PDGFD: variants seen among roughly 807,000 people sequenced by gnomAD.
The protein encoded by PDGFD is platelet derived growth factor D.
Under a neutral mutation model 44.7 loss-of-function variants are expected in PDGFD, and 30 were observed. That is an observed-to-expected ratio of 0.67 (90% confidence interval 0.50 to 0.91). PDGFD has a LOEUF of 0.91. Ranked by LOEUF, PDGFD falls within the 40% of genes least tolerant of loss-of-function variation. PDGFD has a pLI of 0.00. For synonymous variants in PDGFD, 173 were observed against 168.4 expected, an observed-to-expected ratio of 1.03 and a Z score of -0.21; for missense variants, 445 against 457.8, an observed-to-expected ratio of 0.97 and a Z score of 0.25.
intron 1 of PDGFD, chr11:104,036,669 A>T (rs886980970): frequency 1.5e-6 from 1 of 649,204 alleles, no homozygotes; most frequent in Non-Finnish European, 2.7e-6. Flanking sequence ...CCCCAGACAG[A>T]TGAGTGTCCG....
At chr11:104,005,103 G>A (rs751910311) in intron 1 of PDGFD, among the ~76,000 whole-genome samples, 8 of 151,842 alleles carry the variant, frequency 5.3e-5, no homozygotes, top group Non-Finnish European at 8.8e-5. Flanking sequence ...GGTCTTGAAC[G>A]CCTGACCTCA....
intron 3 of PDGFD, among the ~76,000 whole-genome samples, chr11:103,972,922 C>T (rs1859123942): frequency 6.6e-6 from 1 of 152,066 alleles, no homozygotes; most frequent in African/African-American, 2.4e-5. Flanking sequence ...TCAGAAAGTC[C>T]AGTAAAACAG....
At chr11:104,069,583 G>A (rs751749815) in intron 1 of PDGFD, among the ~76,000 whole-genome samples, 3 of 152,140 alleles carry the variant, frequency 2.0e-5, no homozygotes, top group Non-Finnish European at 2.9e-5. Flanking sequence ...GATGCTGGCC[G>A]GGCACAGTGG....
chr11:104,114,773 T>C (rs1266899151), intron 1 of PDGFD, among the ~76,000 whole-genome samples: 1 of 152,054 alleles, frequency 6.6e-6, no homozygotes, highest in Non-Finnish European at 1.5e-5. Context: ...ATTTCTTTCA[T>C]CAGAGTTTTG....
At chr11:104,140,991 G>A (rs960395939) in intron 1 of PDGFD, among the ~76,000 whole-genome samples, 1 of 152,118 alleles carries the variant, frequency 6.6e-6, no homozygotes, top group African/African-American at 2.4e-5. Flanking sequence ...TAATGTTGCT[G>A]CCCAGCAGCA....
intron 1 of PDGFD, among the ~76,000 whole-genome samples, chr11:104,019,698 T>C (rs1261927410): frequency 6.6e-6 from 1 of 152,294 alleles, no homozygotes; most frequent in East Asian, 1.9e-4. Context: ...AGATATGATC[T>C]GGGGGAAAGA....
intron 3 of PDGFD, among the ~76,000 whole-genome samples, chr11:103,981,223 A>C (rs1001995801): frequency 6.6e-6 from 1 of 151,502 alleles, no homozygotes; most frequent in African/African-American, 2.4e-5. Context: ...CTTTCTTGCA[A>C]ACTCCCTTAC....
chr11:104,122,171 A>AAGCTTGCACAGGGGAATGCTGGC (rs1292169989), intron 1 of PDGFD, among the ~76,000 whole-genome samples: 1 of 148,802 alleles, frequency 6.7e-6, no homozygotes, highest in African/African-American at 2.5e-5. Context: ...AGCAAGCTGG[A>AAGCTTGCACAGGGGAATGCTGGC]AGCTTGCACA....
chr11:104,126,541 C>T (rs1477078297), intron 1 of PDGFD, among the ~76,000 whole-genome samples: 1 of 152,112 alleles, frequency 6.6e-6, no homozygotes, highest in East Asian at 1.9e-4. Flanking sequence ...TGATGACTTA[C>T]TATGTGCTAG....
intron 4 of PDGFD, among the ~76,000 whole-genome samples, chr11:103,945,374 C>A (rs184696785): frequency 6.6e-6 from 1 of 152,254 alleles, no homozygotes; most frequent in East Asian, 1.9e-4. Flanking sequence ...CTCTTGAGGT[C>A]ACATGCTAGA....
chr11:104,098,284 G>T (rs1263170431), intron 1 of PDGFD, among the ~76,000 whole-genome samples: 8 of 152,110 alleles, frequency 5.3e-5, no homozygotes, highest in Non-Finnish European at 1.0e-4. Context: ...CTACCTATTT[G>T]CTGGGCTTGA....
At chr11:103,993,930 A>G (rs1859496566) in intron 3 of PDGFD, among the ~76,000 whole-genome samples, 1 of 152,204 alleles carries the variant, frequency 6.6e-6, no homozygotes, top group African/African-American at 2.4e-5. Flanking sequence ...ATCATTTCAA[A>G]AAAAAAACAC....
chr11:103,970,441 T>G (rs1859086972), intron 3 of PDGFD, among the ~76,000 whole-genome samples: 1 of 152,052 alleles, frequency 6.6e-6, no homozygotes, highest in African/African-American at 2.4e-5. Context: ...ACTTCAAAGG[T>G]GCCAATAAGA....
intron 1 of PDGFD, among the ~76,000 whole-genome samples, chr11:104,019,277 C>T (rs1306056650): frequency 4.6e-5 from 7 of 152,156 alleles, no homozygotes; most frequent in Non-Finnish European, 1.5e-5. Flanking sequence ...TAAATGTTCG[C>T]TGAATAAATT....
At chr11:104,049,669 A>G (rs913145706) in intron 1 of PDGFD, among the ~76,000 whole-genome samples, 1 of 152,178 alleles carries the variant, frequency 6.6e-6, no homozygotes, top group African/African-American at 2.4e-5. Flanking sequence ...AGCCCAAGAA[A>G]GATAAACCAA....
chr11:103,959,069 C>T (rs1191436322), intron 3 of PDGFD, among the ~76,000 whole-genome samples: 2 of 152,088 alleles, frequency 1.3e-5, no homozygotes, highest in Admixed American at 6.6e-5. Flanking sequence ...ATAATGTAAA[C>T]GGGAACATTT....
intron 1 of PDGFD, among the ~76,000 whole-genome samples, chr11:104,142,150 T>C (rs1366751526): frequency 4.6e-5 from 7 of 152,112 alleles, no homozygotes; most frequent in African/African-American, 1.7e-4. Flanking sequence ...TAACAAACAA[T>C]ACACCTGAAC....
At chr11:104,102,695 T>C (rs1374215321) in intron 1 of PDGFD, among the ~76,000 whole-genome samples, 1 of 152,160 alleles carries the variant, frequency 6.6e-6, no homozygotes, top group African/African-American at 2.4e-5. Flanking sequence ...CCATCAGTGA[T>C]AGACTGGATT....
chr11:104,154,059 T>A (rs367547280), intron 1 of PDGFD, among the ~76,000 whole-genome samples: 1 of 152,202 alleles, frequency 6.6e-6, no homozygotes, highest in Non-Finnish European at 1.5e-5. Flanking sequence ...TATTTTATAG[T>A]GATAAATACC....
Sources: allele counts gnomAD v4.1 joint callset (sites outside exome capture counted in the v4.1 genomes callset), GRCh38; gene constraint gnomAD v4.1.1; transcripts MANE v1.5; gene names NCBI Gene and HGNC (gene_info 2026-07-23, HGNC 2026-07-21).